WDR3: variants seen among roughly 807,000 people sequenced by gnomAD.
The protein encoded by WDR3 is WD repeat-containing protein 3.
WDR3 carries 81 observed loss-of-function variants against 123.7 expected under a neutral mutation model. That is an observed-to-expected ratio of 0.65 (90% CI 0.55 to 0.79). The LOEUF (loss-of-function observed/expected upper bound fraction) is 0.79. Ranked by LOEUF, WDR3 falls within the 30% of genes least tolerant of loss-of-function variation. The pLI, the probability that WDR3 is intolerant of heterozygous loss-of-function variation, is 0.00. For missense variants in WDR3, 1,027 were observed against 1,123.2 expected (o/e 0.91, Z 1.22); for synonymous variants, 390 against 388.8 (o/e 1.00, Z -0.04).
At chr1:117,945,153 C>T (rs1186284654) in intron 11 of WDR3, among the ~76,000 whole-genome samples, 1 of 152,222 alleles carries the variant, frequency 6.6e-6, no homozygotes, top group Non-Finnish European at 1.5e-5. Flanking sequence ...GTAAAGCCCC[C>T]TGACTGGTGT....
At chr1:117,952,132 C>T (rs1312206047) in intron 17 of WDR3, 56 bp downstream of exon 17, 4 of 1,561,342 alleles carry the variant, frequency 2.6e-6, no homozygotes, top group Non-Finnish European at 3.5e-6. Context: ...TTATCACTTT[C>T]CTTGAGCATC....
At chr1:117,930,322 CT>C (rs1320157469) in intron 1 of WDR3, among the ~76,000 whole-genome samples, 18 of 152,218 alleles carry the variant, frequency 1.2e-4, no homozygotes, top group East Asian at 1.2e-3. Flanking sequence ...AAAAAGGCTG[CT>C]AGAATTGGGC....
chr1:117,958,532 C>T (rs1179509308), intron 25 of WDR3, among the ~76,000 whole-genome samples: 1 of 152,070 alleles, frequency 6.6e-6, no homozygotes, highest in Non-Finnish European at 1.5e-5. Flanking sequence ...CTCTTTTTTG[C>T]TGTGGCTTTA....
chr1:117,948,432 G>C lies in WDR3; in HGVS notation c.1450G>C (p.Ala484Pro). The change falls in exon 13 of 27, where the codon GCT becomes CCT. Residue 484 changes from alanine (A) to proline (P), a missense_variant. Transcript: ENST00000349139. ...KTGKLQLYDL[A>P]SGNLLETIDA... ...AGGGAAGCTGCAGCTTTATGACTTG[G>C]CTTCAGGGAATCTGCTGGAGACAAT... is the stretch of plus-strand genomic sequence containing the variant. The C allele has an allele frequency of 2.5e-6, 4 of 1,613,984 alleles. No homozygotes were observed. Among genetic ancestry groups the C allele is most frequent in the Non-Finnish European group, 3.4e-6 (4 of 1,179,944 alleles).
At position 117,963,419 on chromosome 1, in the gene WDR3, A is replaced by G. The variant is rs1653373947; in HGVS notation, c.*3972A>G. The G allele has an allele frequency of 6.7e-6, 1 of 150,232 alleles. No individual in the cohort carries two copies. Among genetic ancestry groups the G allele is most frequent in the Admixed American group, 6.7e-5 (1 of 14,970 alleles). 9.3% of individuals were successfully genotyped at this position (150,232 alleles called of 1,614,324 possible). Reference sequence around the variant, plus strand: ...CGCTCTGTCTCCCAGGCTGGAGTGCAGTGGCACGATCTTGGCTCACTGCAA... The same window carrying G: ...CGCTCTGTCTCCCAGGCTGGAGTGCGGTGGCACGATCTTGGCTCACTGCAA... On this transcript the variant is annotated 3_prime_UTR_variant, in exon 27 of 27. Transcript: ENST00000349139.
chr1:117,942,131 G>T (rs1227109886), intron 9 of WDR3, among the ~76,000 whole-genome samples: 1 of 152,122 alleles, frequency 6.6e-6, no homozygotes, highest in Non-Finnish European at 1.5e-5. Flanking sequence ...AAAAATAACC[G>T]GAGACATTTC....
chr1:117,938,415 C>G (rs562873413), intron 4 of WDR3, 65 bp from the exon 5 acceptor site: 2 of 1,297,384 alleles, frequency 1.5e-6, no homozygotes, highest in Non-Finnish European at 2.2e-6. Context: ...AGTTTTGGAT[C>G]TCCCTATTCG....
chr1:117,948,937 G>C (rs184828614), intron 13 of WDR3, among the ~76,000 whole-genome samples: 74 of 152,146 alleles, frequency 4.9e-4, no homozygotes, highest in African/African-American at 1.7e-3. Flanking sequence ...CCTGGCAAAA[G>C]TATGCTTATT....
chr1:117,930,538 A>C (rs1395789554), intron 1 of WDR3, among the ~76,000 whole-genome samples: 1 of 152,232 alleles, frequency 6.6e-6, no homozygotes, highest in Non-Finnish European at 1.5e-5. Flanking sequence ...CAAACGATTT[A>C]GCCTTTTCAA....
intron 11 of WDR3, 97 bp downstream of exon 11, chr1:117,943,723 T>C: frequency 9.7e-7 from 1 of 1,027,844 alleles, no homozygotes. Flanking sequence ...CTTAAGGCCC[T>C]AAATACAATT....
rs1176534789 is a variant in WDR3, at chr1:117,962,577, A to G, written c.*3130A>G. 6.6e-6 allele frequency: 1 copy of G among 151,482 alleles called. No homozygotes were observed. The highest frequency in any genetic ancestry group is 1.5e-5 in the Non-Finnish European group (1 of 67,908). 9.4% of individuals were successfully genotyped at this position (151,482 alleles called of 1,614,324 possible). On this transcript the variant is annotated 3_prime_UTR_variant, in exon 27 of 27. Coordinates refer to ENST00000349139, the MANE Select transcript of WDR3 (RefSeq NM_006784.3). ...AAAAAAAAAGGCTCTTGAATGATGT[A>G]TTGGGAGTAAAACATTTAGGCTTAT... is the stretch of plus-strand genomic sequence containing the variant.
chr1:117,942,418 C>T lies in WDR3; in HGVS notation c.990-19C>T. 6.2e-7 allele frequency: 1 copy of T among 1,602,422 alleles called. No individual in the cohort carries two copies. Among genetic ancestry groups the T allele is most frequent in the African/African-American group, 1.3e-5 (1 of 74,680 alleles). On this transcript the variant is annotated intron_variant, in intron 9 of 26. Transcript: ENST00000349139. ...TCTAGAAAAATAAGAGCATGATATA[C>T]TTTTCTTCTTCCCTCTAGATTACAT...
intron 10 of WDR3, 52 bp from the exon 11 acceptor site, chr1:117,943,344 C>A (rs530128418): frequency 6.8e-6 from 10 of 1,472,066 alleles, no homozygotes; most frequent in South Asian, 1.2e-5. Flanking sequence ...AAAAAGTAAA[C>A]CTTGTGAGCT....
intron 3 of WDR3, among the ~76,000 whole-genome samples, chr1:117,935,827 AAAC>A (rs1454850459): frequency 2.0e-5 from 3 of 152,002 alleles, no homozygotes; most frequent in Admixed American, 2.0e-4. Flanking sequence ...TGTACATTAA[AAAC>A]AAGTCAGAGG....
intron 24 of WDR3, among the ~76,000 whole-genome samples, 173 bp downstream of exon 24, chr1:117,955,531 G>T (rs1652071301): frequency 6.6e-6 from 1 of 152,080 alleles, no homozygotes; most frequent in African/African-American, 2.4e-5. Flanking sequence ...GCTAGAACTA[G>T]GAAGTTCCTT....
chr1:117,950,391 T>G (rs1651566812), intron 15 of WDR3, among the ~76,000 whole-genome samples: 1 of 152,202 alleles, frequency 6.6e-6, no homozygotes, highest in Admixed American at 6.6e-5. Context: ...TCATACTAAG[T>G]AGTTATAAGA....
Position 117,963,590 on chromosome 1 carries a change from TCCTGACCTTGTGATCCACCCA to T in WDR3, c.*4147_*4167del. On this transcript the variant is annotated 3_prime_UTR_variant, in exon 27 of 27. Transcript: ENST00000349139. ...CAAGTTAGCCAGGATGGTCTCGATC[TCCTGACCTTGTGATCCACCCA>T]CCTCGGCCTCCCAAAGTGCTGGGAT... 2.9e-6 allele frequency: 1 copy of T among 350,440 alleles called. No homozygotes were observed. The highest frequency in any genetic ancestry group is 5.3e-6 in the Non-Finnish European group (1 of 187,026). 21.7% of individuals were successfully genotyped at this position (350,440 alleles called of 1,614,324 possible). A position where few individuals can be genotyped will look rare whatever the true frequency, so the allele number is the denominator to read the frequency against.
At chr1:117,942,822 A>G (rs946759266) in intron 10 of WDR3, among the ~76,000 whole-genome samples, 5 of 151,796 alleles carry the variant, frequency 3.3e-5, no homozygotes, top group East Asian at 3.9e-4. Flanking sequence ...CAGAAAGGAT[A>G]TAAGGTCACT....
intron 2 of WDR3, 138 bp from the exon 3 acceptor site, chr1:117,934,335 G>T: frequency 1.3e-6 from 1 of 755,990 alleles, no homozygotes; most frequent in Non-Finnish European, 2.1e-6. Context: ...GAAATGGATT[G>T]TGGAGTTTCA....
Sources: gnomAD v4.1 joint callset for allele counts (sites outside exome capture counted in the v4.1 genomes callset) on GRCh38, gnomAD v4.1.1 for gene constraint, MANE v1.5 for transcripts, NCBI Gene and HGNC (gene_info 2026-07-23, HGNC 2026-07-21) for gene names.